The following UNC13A variants were observed in gnomAD, a reference collection of about 807,000 sequenced individuals.
The protein encoded by UNC13A is protein unc-13 homolog A.
In UNC13A, 61 loss-of-function variants were observed where a neutral mutation model predicts 219.7. The observed-to-expected ratio is 0.28, with a 90% CI of 0.23 to 0.34. The LOEUF (loss-of-function observed/expected upper bound fraction) is 0.34. UNC13A is among the 10% of genes least tolerant of loss of function. UNC13A has a pLI of 1.00. For synonymous variants in UNC13A, 920 were observed against 884.6 expected, an observed-to-expected ratio of 1.04 and a Z score of -0.71; for missense variants, 1,476 against 2,270.3, an observed-to-expected ratio of 0.65 and a Z score of 7.11.
chr19:17,658,001 C>G (rs1040191952), intron 9 of UNC13A, 61 bp downstream of exon 9: 1 of 1,554,986 alleles, frequency 6.4e-7, no homozygotes, highest in Admixed American at 1.8e-5. Flanking sequence ...CCCCGTACCC[C>G]TCTCTCCACT....
intron 6 of UNC13A, among the ~76,000 whole-genome samples, chr19:17,667,634 T>C (rs1198874252): frequency 6.6e-6 from 1 of 151,884 alleles, no homozygotes; most frequent in East Asian, 1.9e-4. Flanking sequence ...CCACCATGCC[T>C]AGCTAATTTT....
rs748678245 is a variant in UNC13A, at chr19:17,648,969, G to A, written c.1539C>T (p.Ser513=). The change falls in exon 15 of 44, where the codon TCC becomes TCT. Residue 513 remains serine (S), a synonymous_variant. Transcript: ENST00000519716. ...VSDLAMSLVQ[S]RKAGITSALA... is the part of the protein sequence containing the mutation. ...AGGCCGAGGTGATGCCCGCTTTCCT[G>A]GACTGGACCAGGGACTGGGGAGGTC... 8 of 1,603,758 alleles carry A rather than the reference G, an allele frequency of 5.0e-6. No homozygotes were observed. The highest frequency in any genetic ancestry group is 2.7e-5 in the African/African-American group (2 of 74,776).
chr19:17,639,615 G>T lies in UNC13A; in HGVS notation c.2857-90C>A, dbSNP rs541061837. 1,186 of 1,413,080 alleles carry T rather than the reference G, an allele frequency of 8.4e-4. 2 individuals carry two copies. Among genetic ancestry groups the T allele is most frequent in the South Asian group, 2.6e-3 (200 of 77,980 alleles). 87.5% of individuals were successfully genotyped at this position (1,413,080 alleles called of 1,614,324 possible). A position where few individuals can be genotyped will look rare whatever the true frequency, so the allele number is the denominator to read the frequency against. ...TTCAGGGGGATACAAAGGCTCCCCG[G>T]TTTCAGGCTGGGGGTTGATTAGAGC... On this transcript the variant is annotated intron_variant, in intron 23 of 43. Coordinates refer to ENST00000519716, the MANE Select transcript of UNC13A (RefSeq NM_001080421.3).
intron 42 of UNC13A, 84 bp downstream of exon 42, chr19:17,611,679 C>A (rs572128315): frequency 8.8e-5 from 113 of 1,282,026 alleles, no homozygotes; most frequent in Admixed American, 1.6e-4. Context: ...ACAACAACAA[C>A]AAAAAAAGGG....
chr19:17,687,553 C>G (rs2080137902), intron 1 of UNC13A, among the ~76,000 whole-genome samples: 1 of 152,108 alleles, frequency 6.6e-6, no homozygotes, highest in African/African-American at 2.4e-5. Flanking sequence ...CCAGTCACAG[C>G]CCTCTCTGGA....
In UNC13A at chr19:17,656,526, G is replaced by A. The variant is rs117313063; in HGVS notation, c.768-128C>T. ...TGTGCCAGGTCCTGCTCTAGGGGCT[G>A]GAAAACACAGCCATGATCAGAAAAG... On this transcript the variant is annotated intron_variant, in intron 9 of 43. Coordinates refer to ENST00000519716, the MANE Select transcript of UNC13A (RefSeq NM_001080421.3). 58 of 1,008,830 alleles carry A rather than the reference G, an allele frequency of 5.7e-5. No individual in the cohort carries two copies. In the East Asian group the frequency reaches 1.4e-3, roughly 25 times the overall value. The allele number at this position is 1,008,830 out of a possible 1,614,324, so 62.5% of individuals were successfully genotyped here. A position where few individuals can be genotyped will look rare whatever the true frequency, so the allele number is the denominator to read the frequency against.
chr19:17,652,696 G>A lies in UNC13A; in HGVS notation c.1393-19C>T, dbSNP rs1330232317. 1.9e-6 allele frequency: 3 copies of A among 1,613,468 alleles called. No individual in the cohort carries two copies. The highest frequency in any genetic ancestry group is 1.7e-5 in the Admixed American group (1 of 59,982). ...CCCGGGCCTGCAGGACAGACAGACA[G>A]ATATGGTCAGTGTGGCTGTCCCTCC... On this transcript the variant is annotated intron_variant, in intron 11 of 43. Coordinates refer to ENST00000519716, the MANE Select transcript of UNC13A (RefSeq NM_001080421.3).
At chr19:17,618,335 G>A (rs576166759) in intron 40 of UNC13A, 86 bp downstream of exon 40, 6 of 1,358,544 alleles carry the variant, frequency 4.4e-6, no homozygotes, top group Non-Finnish European at 6.2e-6. Flanking sequence ...AATTAATGTG[G>A]GTCCGAGGCG....
At chr19:17,643,232 G>A (rs112954490) in intron 19 of UNC13A, among the ~76,000 whole-genome samples, 2,104 of 152,000 alleles carry the variant, frequency 0.014, 48 homozygotes, top group African/African-American at 0.047. Flanking sequence ...GGCTGGTCTC[G>A]AACTCCTTAC....
Position 17,606,104 on chromosome 19 carries a change from T to A in UNC13A, c.5062A>T (p.Lys1688Ter). ...TCCTCGGCGGAGCGCGTGTCCGACT[T>A]GAGCTTCACGAACTCCTTGGCCACC... ...DEVAKEFVKLKSDTRSAEEGG... is the reference protein window; with the variant it reads ...DEVAKEFVKL Residue 1688 changes from lysine (K) to a stop codon, truncating the protein, a stop_gained, in exon 44 of 44, where the codon AAG becomes TAG. Transcript: ENST00000519716. LOFTEE classifies it high-confidence loss of function. 1 of 1,596,130 alleles carries A rather than the reference T, an allele frequency of 6.3e-7. No individual in the cohort carries two copies. The highest frequency in any genetic ancestry group is 8.5e-7 in the Non-Finnish European group (1 of 1,173,504).
chr19:17,688,349 G>C lies in UNC13A; in HGVS notation c.-150C>G. ...CCACCGGCCATCTTGGTTCAGCACC[G>C]GGGGCGCGGACAGCGCCTGACGTGG... is the stretch of plus-strand genomic sequence containing the variant. On this transcript the variant is annotated 5_prime_UTR_variant, in exon 1 of 44. Transcript: ENST00000519716. 1 of 1,294,260 alleles carries C rather than the reference G, an allele frequency of 7.7e-7. No individual in the cohort carries two copies. The highest frequency in any genetic ancestry group is 9.8e-7 in the Non-Finnish European group (1 of 1,019,418). 80.2% of individuals were successfully genotyped at this position (1,294,260 alleles called of 1,614,324 possible).
chr19:17,656,253 G>T lies in UNC13A; in HGVS notation c.913C>A (p.His305Asn). Reference sequence around the variant, plus strand: ...TCTTTGTGGTAGCTGACCGAGCTGTGGCAGGAGTGGTAGGAGTCCCGGTCC... The same window carrying T: ...TCTTTGTGGTAGCTGACCGAGCTGTTGCAGGAGTGGTAGGAGTCCCGGTCC... Reference protein sequence around the residue: ...ERDRDSYHSCHSSVSYHKDSP... With the variant: ...ERDRDSYHSCNSSVSYHKDSP... Residue 305 changes from histidine (H) to asparagine (N), a missense_variant, in exon 10 of 44, where the codon CAC (histidine) becomes AAC (asparagine). Transcript: ENST00000519716. 2 of 1,551,954 alleles carry T rather than the reference G, an allele frequency of 1.3e-6. No individual in the cohort carries two copies. Among genetic ancestry groups the T allele is most frequent in the Non-Finnish European group, 1.7e-6 (2 of 1,147,094 alleles).
chr19:17,668,337 C>T (rs2079703405), intron 5 of UNC13A, 147 bp from the exon 6 acceptor site: 1 of 695,258 alleles, frequency 1.4e-6, no homozygotes, highest in Admixed American at 2.5e-5. Context: ...TCTGCGGTCT[C>T]AGGAGGGTGG....
chr19:17,681,200 C>T (rs1488455319), intron 1 of UNC13A, among the ~76,000 whole-genome samples: 1 of 151,022 alleles, frequency 6.6e-6, no homozygotes, highest in African/African-American at 2.4e-5. Flanking sequence ...GCTGACTGAC[C>T]CTGGATTCTA....
At position 17,656,291 on chromosome 19, in the gene UNC13A, A is replaced by C; in HGVS notation, c.875T>G (p.Met292Arg). Reference sequence around the variant, plus strand: ...GGAGTCCCGGTCCCGCTCATCCTCCATGTCGGAGCCCTGCAGGCTGTGCTC... The same window carrying C: ...GGAGTCCCGGTCCCGCTCATCCTCCCTGTCGGAGCCCTGCAGGCTGTGCTC... ...PDEHSLQGSD[M>R]EDERDRDSYH... Residue 292 changes from methionine (M) to arginine (R), a missense_variant, in exon 10 of 44, where the codon ATG becomes AGG. Transcript: ENST00000519716. 3.9e-6 allele frequency: 6 copies of C among 1,552,752 alleles called. No homozygotes were observed. The highest frequency in any genetic ancestry group is 3.5e-6 in the Non-Finnish European group (4 of 1,147,880).
Position 17,645,821 on chromosome 19 carries a change from G to A in UNC13A, c.2209C>T (p.Arg737Cys). The part of the protein sequence containing the change: ...FHFECHNSSD[R>C]IKVRVWDEDD... ...TCGTCCCAGACGCGCACCTTGATGC[G>A]GTCGGAGGAATTGTGACATTCACTG... Residue 737 changes from arginine (R) to cysteine (C), a missense_variant, in exon 19 of 44, where the codon CGC becomes TGC. Physicochemically the swap from Arg to Cys is radical, Grantham distance 180 (BLOSUM62 -3). Around this residue, in one of 14 missense-constraint regions of UNC13A, gnomAD observed 66 missense variants for 224.3 expected, o/e 0.29. Coordinates refer to ENST00000519716, the MANE Select transcript of UNC13A (RefSeq NM_001080421.3). 1.2e-6 allele frequency: 2 copies of A among 1,611,392 alleles called. No homozygotes were observed. Among genetic ancestry groups the A allele is most frequent in the Non-Finnish European group, 1.7e-6 (2 of 1,178,796 alleles).
intron 38 of UNC13A, 65 bp downstream of exon 38, chr19:17,620,628 G>T: frequency 6.7e-7 from 1 of 1,503,612 alleles, no homozygotes; most frequent in Non-Finnish European, 9.1e-7. Flanking sequence ...GGTGGAAGGG[G>T]GCACAGGGGT....
At chr19:17,669,726 G>C (rs1470988603) in intron 4 of UNC13A, 50 bp from the exon 5 acceptor site, 5 of 1,560,184 alleles carry the variant, frequency 3.2e-6, no homozygotes, top group Non-Finnish European at 4.3e-6. Flanking sequence ...CTGGTCACTA[G>C]TCCCCAGGGC....
chr19:17,639,548 T>C (rs1222768698), intron 23 of UNC13A, 23 bp from the exon 24 acceptor site: 1 of 1,608,636 alleles, frequency 6.2e-7, no homozygotes, highest in Admixed American at 1.7e-5. Context: ...GGAAGAGATG[T>C]GGGGTTATGG....
Sources: allele counts gnomAD v4.1 joint callset (sites outside exome capture counted in the v4.1 genomes callset), GRCh38; gene constraint gnomAD v4.1.1; regional missense constraint gnomAD v4.1.1; transcripts MANE v1.5; gene names NCBI Gene and HGNC (gene_info 2026-07-23, HGNC 2026-07-21).